Variants in KANK1 observed in about 807,000 individuals in gnomAD.
The protein encoded by KANK1 is KN motif and ankyrin repeat domains 1, also known as KN motif and ankyrin repeat domain-containing protein 1.
Under a neutral mutation model 106.2 loss-of-function variants are expected in KANK1, and 109 were observed. The observed-to-expected ratio is 1.03, with a 90% CI of 0.88 to 1.20. The LOEUF (loss-of-function observed/expected upper bound fraction) is 1.20, where lower values mean the gene tolerates loss of function less well. KANK1 is among the 50% of genes most tolerant of loss of function. KANK1 has a pLI of 0.00. For missense variants in KANK1, 2,399 were observed against 1,710.7 expected (o/e 1.40, Z -7.10); for synonymous variants, 873 against 652.2 (o/e 1.34, Z -5.16).
chr9:713,173 C>T lies in KANK1; in HGVS notation c.2407C>T (p.Pro803Ser), dbSNP rs1213119784. 6.3e-7 allele frequency: 1 copy of T among 1,586,204 alleles called. No individual in the cohort carries two copies. The highest frequency in any genetic ancestry group is 1.3e-5 in the African/African-American group (1 of 74,340). ...SRRSVGVGDD[P>S]VGESLENPQP... ...AAGGAGCGTGGGGGTTGGGGATGAC[C>T]CTGTAGGGGAATCTCTGGAGAACCC... Residue 803 changes from proline to serine, a missense_variant, in exon 3 of 12, where the codon CCT (proline) becomes TCT (serine). Pro to Ser is a moderately conservative substitution (Grantham distance 74). Transcript: ENST00000382297.
At position 744,476 on chromosome 9, in the gene KANK1, C is replaced by G. The variant is rs1400561594; in HGVS notation, c.3898-15C>G. 1.2e-6 allele frequency: 2 copies of G among 1,608,014 alleles called. No homozygotes were observed. Among genetic ancestry groups the G allele is most frequent in the Non-Finnish European group, 1.7e-6 (2 of 1,175,526 alleles). On this transcript the variant is annotated splice_polypyrimidine_tract_variant and intron_variant, in intron 10 of 11. Coordinates refer to ENST00000382297, the MANE Select transcript of KANK1 (RefSeq NM_015158.5). ...AGAAACCCAACATGGCTTGTTCTTTCCATCTTATCTTAAGGATGGCAGCAC... is the reference window on the plus strand; with the variant it reads ...AGAAACCCAACATGGCTTGTTCTTTGCATCTTATCTTAAGGATGGCAGCAC...
At chr9:687,238 G>A (rs546860663) in intron 2 of KANK1, among the ~76,000 whole-genome samples, 16 of 152,080 alleles carry the variant, frequency 1.1e-4, no homozygotes, top group Non-Finnish European at 1.9e-4. Flanking sequence ...CCGAGGCTGC[G>A]AGCATTGGTC....
intron 1 of KANK1, among the ~76,000 whole-genome samples, chr9:631,041 G>C (rs535847077): frequency 6.2e-4 from 94 of 152,260 alleles, no homozygotes; most frequent in South Asian, 4.1e-3. Context: ...ATGACTGGTT[G>C]GTAGAAATAT....
chr9:667,037 T>C (rs1367500840), intron 1 of KANK1, among the ~76,000 whole-genome samples: 1 of 150,082 alleles, frequency 6.7e-6, no homozygotes, highest in African/African-American at 2.4e-5. Flanking sequence ...AGAATTATTA[T>C]AGTTCTTCTT....
chr9:735,760 G>A lies in KANK1; in HGVS notation c.3333+925G>A, dbSNP rs73374897. The A allele has an allele frequency of 3.2e-3, 1,380 of 435,122 alleles. 15 individuals are homozygous for A. Among genetic ancestry groups the A allele is most frequent in the African/African-American group, 0.025 (1,259 of 49,996 alleles). The allele number at this position is 435,122 out of a possible 1,614,324, so 27.0% of individuals were successfully genotyped here. A position where few individuals can be genotyped will look rare whatever the true frequency, so the allele number is the denominator to read the frequency against. On this transcript the variant is annotated intron_variant, in intron 7 of 11. Transcript: ENST00000382297. ...TATGATCCCAACACTTCGGGAGGCC[G>A]ATGCAGGTGGATCACATGAGGTCTG...
intron 1 of KANK1, among the ~76,000 whole-genome samples, chr9:581,623 C>T (rs1308930724): frequency 6.6e-6 from 1 of 152,198 alleles, no homozygotes; most frequent in Non-Finnish European, 1.5e-5. Context: ...GCTAAATAGA[C>T]TTAATCTTGA....
intron 3 of KANK1, among the ~76,000 whole-genome samples, chr9:490,086 A>T (rs892399323): frequency 1.3e-5 from 2 of 152,216 alleles, no homozygotes; most frequent in African/African-American, 4.8e-5. Context: ...GAAATAGGCT[A>T]TTACTTGGCC....
At chr9:686,807 C>G in intron 2 of KANK1, 5 of 985,356 alleles carry the variant, frequency 5.1e-6, no homozygotes, top group Non-Finnish European at 6.0e-6. Context: ...TGAGTGTTCT[C>G]TGAGGAACAT....
rs144505189 is a variant in KANK1, at chr9:712,784, C to G, written c.2018C>G (p.Thr673Ser). 1,603 of 1,613,908 alleles carry G rather than the reference C, an allele frequency of 9.9e-4. 2 individuals are homozygous for G. The highest frequency in any genetic ancestry group is 1.2e-3 in the Non-Finnish European group (1,433 of 1,179,910). The stretch of plus-strand genomic sequence containing the variant: ...GTGCCTCGTACTGCAGACCAGGACA[C>G]TAGCACAGATTTGGAACAGGTGCAC... ...MAVPRTADQD[T>S]STDLEQVHQF... The change falls in exon 3 of 12, where the codon ACT (threonine) becomes AGT (serine). Residue 673 changes from threonine (T) to serine (S), a missense_variant. Thr to Ser is a moderately conservative substitution (Grantham distance 58). Transcript: ENST00000382297.
intron 3 of KANK1, among the ~76,000 whole-genome samples, chr9:483,688 T>C (rs1340413481): frequency 6.6e-6 from 1 of 152,196 alleles, no homozygotes; most frequent in Non-Finnish European, 1.5e-5. Flanking sequence ...TATAGTCTCT[T>C]AGGCAAACAC....
chr9:677,318 C>G lies in KANK1; in HGVS notation c.37+309C>G, dbSNP rs112971114. Among the ~76,000 whole-genome samples, 28 of 152,246 alleles carry G rather than the reference C, an allele frequency of 1.8e-4. 1 individual carries two copies. Among genetic ancestry groups the G allele is most frequent in the South Asian group, 6.2e-4 (3 of 4,830 alleles). ...ATGTATACTCCTCTTGCACTTCTTT[C>G]TGAGGGATTGAATGAGGAGAGAGGA... On this transcript the variant is annotated intron_variant, in intron 2 of 11. Transcript: ENST00000382297.
chr9:705,968 A>G (rs1589061665), intron 2 of KANK1, among the ~76,000 whole-genome samples: 1 of 152,112 alleles, frequency 6.6e-6, no homozygotes, highest in South Asian at 2.1e-4. Flanking sequence ...AAGACAAAAA[A>G]GTGTTTTCGT....
At chr9:642,934 T>G (rs547949217) in intron 1 of KANK1, among the ~76,000 whole-genome samples, 12 of 150,634 alleles carry the variant, frequency 8.0e-5, no homozygotes, top group Admixed American at 4.6e-4. Context: ...TTCTAAATTT[T>G]TTTAATGCAT....
Position 599,053 on chromosome 9 carries a change from T to C in KANK1, c.-83-77837T>C, listed in dbSNP as rs530349631. Among the ~76,000 whole-genome samples the C allele has an allele frequency of 2.7e-3, 389 of 146,046 alleles. 3 individuals are homozygous for C. Among genetic ancestry groups the C allele is most frequent in the South Asian group, 9.9e-3 (45 of 4,530 alleles). ...TTTTTTTTGAGACGGAGTTTCGCTTTTGTCACCCAGGCTGGAGTGCAATGG... is the reference window on the plus strand; with the variant it reads ...TTTTTTTTGAGACGGAGTTTCGCTTCTGTCACCCAGGCTGGAGTGCAATGG... On this transcript the variant is annotated intron_variant, in intron 1 of 11. Coordinates refer to ENST00000382297, the MANE Select transcript of KANK1 (RefSeq NM_015158.5).
intron 1 of KANK1, among the ~76,000 whole-genome samples, chr9:579,405 A>G (rs1307609589): frequency 6.6e-6 from 1 of 152,180 alleles, no homozygotes; most frequent in African/African-American, 2.4e-5. Context: ...AGAATCAAAA[A>G]TAGAAAAGCA....
intron 7 of KANK1, chr9:735,745 A>G (rs1034780740): frequency 1.4e-5 from 6 of 440,416 alleles, no homozygotes; most frequent in Admixed American, 1.2e-4. Context: ...TATGATCCCA[A>G]CACTTCGGGA....
intron 1 of KANK1, among the ~76,000 whole-genome samples, chr9:670,667 T>G (rs574192664): frequency 1.1e-4 from 16 of 152,276 alleles, no homozygotes; most frequent in Non-Finnish European, 4.4e-5. Context: ...AGAGCGGAGC[T>G]TCCAGGGCTG....
intron 1 of KANK1, among the ~76,000 whole-genome samples, chr9:674,853 A>G (rs1816058218): frequency 6.6e-6 from 1 of 151,854 alleles, no homozygotes; most frequent in Non-Finnish European, 1.5e-5. Flanking sequence ...ACAGGCGTGC[A>G]CCACCAGCCT....
At chr9:732,265 A>G in intron 5 of KANK1, 113 bp from the exon 6 acceptor site, 2 of 1,316,602 alleles carry the variant, frequency 1.5e-6, no homozygotes, top group Admixed American at 4.4e-5. Context: ...TGCAGGATCT[A>G]AAACCACTAG....
Sources: gnomAD v4.1 joint callset for allele counts (sites outside exome capture counted in the v4.1 genomes callset) on GRCh38, gnomAD v4.1.1 for gene constraint, MANE v1.5 for transcripts, NCBI Gene and HGNC (gene_info 2026-07-23, HGNC 2026-07-21) for gene names.